Variants in SLC3A1 observed in about 807,000 individuals in gnomAD.
SLC3A1 encodes the protein solute carrier family 3 member 1, also known as amino acid transporter heavy chain SLC3A1.
In SLC3A1, 78 loss-of-function variants were observed where a neutral mutation model predicts 60.3. The observed-to-expected ratio is 1.29, with a 90% confidence interval of 1.08 to 1.56. The LOEUF (loss-of-function observed/expected upper bound fraction) is 1.56. Ranked by LOEUF, SLC3A1 falls within the 40% of genes most tolerant of loss-of-function variation. SLC3A1 has a pLI of 0.00. For missense variants in SLC3A1, 1,172 were observed against 858.9 expected, an observed-to-expected ratio of 1.36 and a Z score of -4.56; for synonymous variants, 392 against 307.9, an observed-to-expected ratio of 1.27 and a Z score of -2.86.
chr2:44,300,237 C>A, intron 5 of SLC3A1, 147 bp downstream of exon 5: 1 of 864,350 alleles, frequency 1.2e-6, no homozygotes, highest in Non-Finnish European at 1.8e-6. Flanking sequence ...AGGAAATGTG[C>A]AAGAGTTTGA....
At chr2:44,304,813 AT>A (rs70965349) in intron 7 of SLC3A1, among the ~76,000 whole-genome samples, 4,827 of 85,650 alleles carry the variant, frequency 0.056, 73 homozygotes, top group African/African-American at 0.13. Context: ...CTTGAAAACA[AT>A]TTTTTTTTTT....
chr2:44,306,880 A>T (rs977844434), intron 7 of SLC3A1, among the ~76,000 whole-genome samples: 1 of 152,166 alleles, frequency 6.6e-6, no homozygotes, highest in Non-Finnish European at 1.5e-5. Flanking sequence ...ATTAAAGTAT[A>T]TAATTAAGTG....
intron 4 of SLC3A1, among the ~76,000 whole-genome samples, chr2:44,293,617 C>A (rs1050450806): frequency 2.6e-5 from 4 of 151,950 alleles, no homozygotes; most frequent in Non-Finnish European, 4.4e-5. Flanking sequence ...GTCTACAGAG[C>A]TCAGGCAGGT....
downstream of SLC3A1, chr2:44,321,981 CTTT>C (rs898035840): frequency 5.8e-6 from 8 of 1,367,886 alleles, no homozygotes; most frequent in African/African-American, 7.3e-5. Context: ...CTCCCCTCTT[CTTT>C]GAGTACTCAG....
rs531867823 is a variant in SLC3A1 at position 44,294,872 on chromosome 2, A to AT, written c.892-5095dup. 5.0e-4 allele frequency among the ~76,000 whole-genome samples: 76 copies of AT among 152,066 alleles called. 1 individual carries two copies. The highest frequency in any genetic ancestry group is 1.8e-3 in the African/African-American group (75 of 41,482). On this transcript the variant is annotated intron_variant, in intron 4 of 9. Transcript: ENST00000260649. ...AGATGGACAACCTGTGATTTATGAC[A>AT]TTTTCAAGATGATGTCTTCTGTTTG... is the stretch of plus-strand genomic sequence containing the variant.
rs1572833911 is a variant in SLC3A1 at position 44,321,241 on chromosome 2, A to T, written c.*602A>T. ...AAATTTAGATGGAGAAGCACATTTT[A>T]AAAAATTAATAACTTAAAAGTCTCA... On this transcript the variant is annotated 3_prime_UTR_variant, in exon 10 of 10. Coordinates refer to ENST00000260649, the MANE Select transcript of SLC3A1 (RefSeq NM_000341.4). 1.1e-6 allele frequency: 1 copy of T among 937,570 alleles called. No homozygotes were observed. The highest frequency in any genetic ancestry group is 1.6e-6 in the Non-Finnish European group (1 of 627,162). 58.1% of individuals were successfully genotyped at this position (937,570 alleles called of 1,614,324 possible).
At chr2:44,311,171 G>T (rs1313137308) in intron 7 of SLC3A1, among the ~76,000 whole-genome samples, 1 of 152,090 alleles carries the variant, frequency 6.6e-6, no homozygotes, top group Non-Finnish European at 1.5e-5. Context: ...TCCTTTGCTA[G>T]TTCAAATTTG....
Position 44,308,233 on chromosome 2 carries a change from C to A in SLC3A1, c.1332+3895C>A, listed in dbSNP as rs1391236504. 2.6e-5 allele frequency among the ~76,000 whole-genome samples: 4 copies of A among 152,222 alleles called. No homozygotes were observed. In the East Asian group the frequency reaches 7.7e-4, roughly 29 times the overall value. On this transcript the variant is annotated intron_variant, in intron 7 of 9. Transcript: ENST00000260649. Reference sequence around the variant, plus strand: ...ATATGTCTGTCTCTATGCCTGAACACCCTGAGTTGATTAGTGTAGCTTAGT... The same window carrying A: ...ATATGTCTGTCTCTATGCCTGAACAACCTGAGTTGATTAGTGTAGCTTAGT...
intron 9 of SLC3A1, chr2:44,318,158 T>G: frequency 2.3e-6 from 1 of 438,878 alleles, no homozygotes; most frequent in Non-Finnish European, 4.6e-6. Context: ...TGGCGTGATC[T>G]CGGCACACTG....
chr2:44,287,616 G>A (rs896853445), intron 4 of SLC3A1, among the ~76,000 whole-genome samples: 1 of 152,186 alleles, frequency 6.6e-6, no homozygotes, highest in African/African-American at 2.4e-5. Flanking sequence ...GTATGCTGGA[G>A]TGAAATGGGT....
At chr2:44,317,740 T>A (rs1427668299) in intron 9 of SLC3A1, 2 of 152,268 alleles carry the variant, frequency 1.3e-5, no homozygotes, top group Non-Finnish European at 2.9e-5. Context: ...AAAAAAATTA[T>A]ACAGTCAATC....
intron 4 of SLC3A1, among the ~76,000 whole-genome samples, chr2:44,298,292 G>A (rs1475723078): frequency 6.6e-6 from 1 of 152,046 alleles, no homozygotes; most frequent in Non-Finnish European, 1.5e-5. Flanking sequence ...TAACTACAAA[G>A]CTGAGCATGA....
Position 44,313,863 on chromosome 2 carries a change from A to G in SLC3A1, c.1529A>G (p.Gln510Arg), listed in dbSNP as rs778925791. 4 of 1,614,104 alleles carry G rather than the reference A, an allele frequency of 2.5e-6. No homozygotes were observed. The highest frequency in any genetic ancestry group is 2.5e-6 in the Non-Finnish European group (3 of 1,179,956). Residue 510 changes from glutamine to arginine, a missense_variant, in exon 9 of 10, where the codon CAG becomes CGG. Coordinates refer to ENST00000260649, the MANE Select transcript of SLC3A1 (RefSeq NM_000341.4). ...INTLRSKSPM[Q>R]WDNSSNAGFS... The stretch of plus-strand genomic sequence containing the variant: ...ACCCTTCGCTCAAAGTCACCAATGC[A>G]GTGGGACAATAGTTCAAATGCTGGT...
At chr2:44,304,788 C>T (rs1672110112) in intron 7 of SLC3A1, among the ~76,000 whole-genome samples, 1 of 149,026 alleles carries the variant, frequency 6.7e-6, no homozygotes. Flanking sequence ...ATTTCTCCCC[C>T]TTCTGTACTA....
chr2:44,282,449 A>G (rs926828168), intron 3 of SLC3A1, among the ~76,000 whole-genome samples: 7 of 152,036 alleles, frequency 4.6e-5, no homozygotes, highest in Non-Finnish European at 8.8e-5. Flanking sequence ...CAGAGAAAAC[A>G]GAAGCCATCA....
chr2:44,313,933 C>G lies in SLC3A1; in HGVS notation c.1599C>G (p.Tyr533Ter). ...SNTWLPTNSDYHTVNVDVQKT... is the reference protein window; with the variant it reads ...SNTWLPTNSD ...CCTGGTTACCTACCAATTCAGATTA[C>G]CACACTGTGAATGTTGATGTAAGTA... Residue 533 changes from tyrosine (Y) to a stop codon, truncating the protein, a stop_gained, in exon 9 of 10, where the codon TAC becomes TAG. Transcript: ENST00000260649. LOFTEE classifies it low-confidence loss of function (END_TRUNC). The G allele has an allele frequency of 6.2e-7, 1 of 1,614,036 alleles. No individual in the cohort carries two copies. Among genetic ancestry groups the G allele is most frequent in the Non-Finnish European group, 8.5e-7 (1 of 1,179,960 alleles).
chr2:44,290,879 C>A (rs1414698133), intron 4 of SLC3A1, among the ~76,000 whole-genome samples: 1 of 151,998 alleles, frequency 6.6e-6, no homozygotes, highest in Non-Finnish European at 1.5e-5. Flanking sequence ...TCTCTGGTAG[C>A]CTGTGGACTC....
chr2:44,300,932 A>T (rs1167921503), intron 5 of SLC3A1, 71 bp from the exon 6 acceptor site: 2 of 1,598,978 alleles, frequency 1.3e-6, no homozygotes, highest in Non-Finnish European at 1.7e-6. Context: ...GGTTGTCTAC[A>T]TTCATATAGA....
At position 44,301,085 on chromosome 2, in the gene SLC3A1, G is replaced by A. The variant is rs567478582; in HGVS notation, c.1094G>A (p.Arg365Gln). ...VGMHDIVRSF[R>Q]QTMDQYSTEP... The stretch of plus-strand genomic sequence containing the variant: ...ATGCACGACATTGTCCGCAGCTTCC[G>A]GCAGACCATGGACCAATACAGCACG... The change falls in exon 6 of 10, where the codon CGG (arginine) becomes CAG (glutamine). Residue 365 changes from arginine to glutamine, a missense_variant. Coordinates refer to ENST00000260649, the MANE Select transcript of SLC3A1 (RefSeq NM_000341.4). 4.3e-5 allele frequency: 69 copies of A among 1,614,054 alleles called. No individual in the cohort carries two copies. Among genetic ancestry groups the A allele is most frequent in the Non-Finnish European group, 5.7e-5 (67 of 1,180,016 alleles).
Sources: gnomAD v4.1 joint callset for allele counts (sites outside exome capture counted in the v4.1 genomes callset) on GRCh38, gnomAD v4.1.1 for gene constraint, MANE v1.5 for transcripts, NCBI Gene and HGNC (gene_info 2026-07-23, HGNC 2026-07-21) for gene names.